BEGAIN: variants seen among roughly 807,000 people sequenced by gnomAD.
BEGAIN encodes brain enriched guanylate kinase associated, also known as brain-enriched guanylate kinase-associated protein.
A neutral mutation model predicts 35.8 loss-of-function variants in BEGAIN; 19 were observed. That is an observed-to-expected ratio of 0.53 (90% confidence interval 0.37 to 0.78). BEGAIN has a LOEUF of 0.78. Among genes scored for constraint, BEGAIN ranks in the 30% least tolerant of loss-of-function variants. BEGAIN has a pLI of 0.00. For missense variants in BEGAIN, 795 were observed against 853.6 expected (o/e 0.93, Z 0.85); for synonymous variants, 462 against 388.6 (o/e 1.19, Z -2.22).
At position 100,573,289 on chromosome 14, in the gene BEGAIN, T is replaced by C. The variant is rs913326159; in HGVS notation, c.43-5350A>G. ...AGGGGCTTCCGGAGGACGGGGCGGG[T>C]GAGTCCCGAAGGGGCCGCCAGAGGA... On this transcript the variant is annotated intron_variant, in intron 1 of 6. Transcript: ENST00000554140. The surrounding 1 kb of genome is among the most constrained non-coding windows in gnomAD (Gnocchi z 4.2). Among the ~76,000 whole-genome samples the C allele has an allele frequency of 9.6e-6, 1 of 104,126 alleles. No individual in the cohort carries two copies. Among genetic ancestry groups the C allele is most frequent in the Admixed American group, 9.6e-5 (1 of 10,444 alleles). The allele number at this position is 104,126 out of a possible 152,430, so 68.3% of individuals were successfully genotyped here.
chr14:100,546,349 TCGCCC>T (rs1465299337), intron 3 of BEGAIN, 147 bp downstream of exon 3: 3 of 77,214 alleles, frequency 3.9e-5, no homozygotes, highest in Admixed American at 1.5e-4. Context: ...ACCCCGGCCC[TCGCCC>T]CGCCCCGGCC....
Position 100,538,995 on chromosome 14 carries a change from G to C in BEGAIN, c.813C>G (p.Thr271=). 6.2e-7 allele frequency: 1 copy of C among 1,610,408 alleles called. No individual in the cohort carries two copies. The highest frequency in any genetic ancestry group is 8.5e-7 in the Non-Finnish European group (1 of 1,178,876). The part of the protein sequence containing the change: ...DRRPSVDAPV[T]DVGFLRAQNS... ...TCTGGGCCCGCAGGAAGCCCACGTCGGTCACGGGCGCGTCCACGCTAGGCC... is the reference window on the plus strand; with the variant it reads ...TCTGGGCCCGCAGGAAGCCCACGTCCGTCACGGGCGCGTCCACGCTAGGCC... Residue 271 remains threonine (T), a synonymous_variant, in exon 7 of 7, where the codon ACC becomes ACG. Coordinates refer to ENST00000554140, the MANE Select transcript of BEGAIN (RefSeq NM_001385089.1).
Position 100,563,115 on chromosome 14 carries a change from C to T in BEGAIN, c.71+4796G>A, listed in dbSNP as rs1408969398. ...CCATCTGTCTCCATCCCTGGGACAT[C>T]AGCCTGGCACTTCTGCAGAGTGTCT... On this transcript the variant is annotated intron_variant, in intron 2 of 6. Transcript: ENST00000554140. The surrounding 1 kb of genome is among the most constrained non-coding windows in gnomAD (Gnocchi z 4.2). 6.6e-6 allele frequency among the ~76,000 whole-genome samples: 1 copy of T among 152,240 alleles called. No individual in the cohort carries two copies. Among genetic ancestry groups the T allele is most frequent in the Non-Finnish European group, 1.5e-5 (1 of 68,042 alleles).
At chr14:100,556,329 A>AGCCCTGCCCCGCT (rs2033718500) in intron 2 of BEGAIN, among the ~76,000 whole-genome samples, 1 of 138,114 alleles carries the variant, frequency 7.2e-6, no homozygotes, top group Non-Finnish European at 1.6e-5. Flanking sequence ...AGGCAGCCGC[A>AGCCCTGCCCCGCT]GCCCTGCCCC....
intron 1 of BEGAIN, chr14:100,569,016 G>A (rs2034963467): frequency 2.2e-6 from 2 of 900,962 alleles, no homozygotes; most frequent in Non-Finnish European, 2.7e-6. Context: ...CCGCCCCGCC[G>A]GGCGAGGGCG....
At position 100,546,559 on chromosome 14, in the gene BEGAIN, C is replaced by G. The variant is rs1330775069; in HGVS notation, c.175G>C (p.Glu59Gln). 6.3e-7 allele frequency: 1 copy of G among 1,587,722 alleles called. No individual in the cohort carries two copies. Among genetic ancestry groups the G allele is most frequent in the African/African-American group, 1.4e-5 (1 of 72,314 alleles). ...TCCTGCGCGCGCCGCAGCTCGATCT[C>G]CAGGTAGTGGCGCGTGGAGTCGAAC... ...TEFDSTRHYLEIELRRAQEEL... is the reference protein window; with the variant it reads ...TEFDSTRHYLQIELRRAQEEL... The change falls in exon 3 of 7, where the codon GAG (glutamate) becomes CAG (glutamine). Residue 59 changes from glutamate (E) to glutamine (Q), a missense_variant. Around this residue, in one of 3 missense-constraint regions of BEGAIN, gnomAD observed 58 missense variants for 62.7 expected, o/e 0.92. Coordinates refer to ENST00000554140, the MANE Select transcript of BEGAIN (RefSeq NM_001385089.1).
At chr14:100,577,229 G>A in intron 1 of BEGAIN, 1 of 398,444 alleles carries the variant, frequency 2.5e-6, no homozygotes, top group Non-Finnish European at 4.4e-6. Flanking sequence ...GGGGTGTGGG[G>A]AGGGAACTCG....
At chr14:100,550,278 G>C in intron 2 of BEGAIN, 1 of 396,072 alleles carries the variant, frequency 2.5e-6, no homozygotes, top group Non-Finnish European at 4.4e-6. Context: ...AGGGCTGTGA[G>C]GCTGTGCCGC....
At chr14:100,539,711 C>T (rs376495413) in intron 6 of BEGAIN, among the ~76,000 whole-genome samples, 1 of 151,910 alleles carries the variant, frequency 6.6e-6, no homozygotes, top group African/African-American at 2.4e-5. Flanking sequence ...CTCTCCCAGG[C>T]CCGTGGGTTC....
At chr14:100,580,383 T>C (rs763324956) in intron 1 of BEGAIN, among the ~76,000 whole-genome samples, 8 of 152,126 alleles carry the variant, frequency 5.3e-5, no homozygotes, top group Non-Finnish European at 1.0e-4. Context: ...TCATATACAC[T>C]GCAAGGCCCT....
intron 1 of BEGAIN, chr14:100,569,063 C>A: frequency 1.9e-6 from 1 of 524,980 alleles, no homozygotes; most frequent in Non-Finnish European, 2.4e-6. Context: ...AGGCCCGGCC[C>A]CGGGGCCTCG....
Position 100,538,572 on chromosome 14 carries a change from C to A in BEGAIN, c.1236G>T (p.Met412Ile). The A allele has an allele frequency of 6.5e-7, 1 of 1,545,550 alleles. No homozygotes were observed. Among genetic ancestry groups the A allele is most frequent in the Non-Finnish European group, 8.7e-7 (1 of 1,145,490 alleles). The change falls in exon 7 of 7, where the codon ATG becomes ATT. Residue 412 changes from methionine to isoleucine, a missense_variant. By Grantham distance (10) the Met-to-Ile change is conservative (BLOSUM62 1). Around this residue, in one of 3 missense-constraint regions of BEGAIN, gnomAD observed 664 missense variants for 647.7 expected, o/e 1.03. Coordinates refer to ENST00000554140, the MANE Select transcript of BEGAIN (RefSeq NM_001385089.1). ...CCCGCAGGCTCCACAGGTTTGGGGGCATCAGGGCCTGCTGGGGACCCGGAG... is the reference window on the plus strand; with the variant it reads ...CCCGCAGGCTCCACAGGTTTGGGGGAATCAGGGCCTGCTGGGGACCCGGAG... ...PASPGPQQAL[M>I]PPNLWSLRAK...
intron 5 of BEGAIN, among the ~76,000 whole-genome samples, chr14:100,542,397 G>A (rs530060948): frequency 3.3e-5 from 5 of 152,214 alleles, no homozygotes; most frequent in Admixed American, 6.5e-5. Flanking sequence ...TCCCTACTCC[G>A]TCCTGGGGCC....
At chr14:100,570,808 A>G (rs779007093) in intron 1 of BEGAIN, among the ~76,000 whole-genome samples, 3 of 152,096 alleles carry the variant, frequency 2.0e-5, no homozygotes, top group Non-Finnish European at 4.4e-5. Flanking sequence ...ATTGACCACA[A>G]GACTCGGTGA....
chr14:100,542,528 G>A (rs73351101), intron 5 of BEGAIN, among the ~76,000 whole-genome samples: 8,194 of 152,210 alleles, frequency 0.054, 751 homozygotes, highest in African/African-American at 0.18. Context: ...GGGGTCCTGT[G>A]CATCTCCCAC....
chr14:100,545,322 T>C, intron 3 of BEGAIN: 2 of 1,334,940 alleles, frequency 1.5e-6, no homozygotes, highest in Non-Finnish European at 1.9e-6. Flanking sequence ...CCCCTGAAGA[T>C]GGGAAGGGAA....
At chr14:100,582,252 C>A (rs2035334287) in intron 1 of BEGAIN, among the ~76,000 whole-genome samples, 1 of 152,236 alleles carries the variant, frequency 6.6e-6, no homozygotes, top group South Asian at 2.1e-4. Context: ...TTAAGCGATT[C>A]TCCTGCCTCA....
rs368404489 is a variant in BEGAIN, at chr14:100,544,981, C to T, written c.300+19G>A. The T allele has an allele frequency of 6.0e-5, 97 of 1,608,822 alleles. No individual in the cohort carries two copies. In the African/African-American group the frequency reaches 9.2e-4, roughly 15 times the overall value. ...AGGAGGTGTGGGGTGGGGGAGTGGG[C>T]GCTGCGTGGCGGCCTCACCATGCGG... is the stretch of plus-strand genomic sequence containing the variant. On this transcript the variant is annotated intron_variant, in intron 4 of 6. Transcript: ENST00000554140.
At position 100,538,924 on chromosome 14, in the gene BEGAIN, G is replaced by A. The variant is rs2031083557; in HGVS notation, c.884C>T (p.Ala295Val). ...AAEEEEEAEA[A>V]AFPAGFQHEA... ...ATGCTGGAAGCCCGCCGGGAAGGCC[G>A]CCGCCTCGGCCTCCTCCTCCTCCTC... Residue 295 changes from alanine (A) to valine (V), a missense_variant, in exon 7 of 7, where the codon GCG becomes GTG. Ala to Val is a moderately conservative substitution (Grantham distance 64). This residue lies in a region of BEGAIN where 664 missense variants were observed against 647.7 expected (regional missense o/e 1.03). Transcript: ENST00000554140. The A allele has an allele frequency of 6.2e-7, 1 of 1,607,462 alleles. No individual in the cohort carries two copies. Among genetic ancestry groups the A allele is most frequent in the Non-Finnish European group, 8.5e-7 (1 of 1,177,744 alleles).
Sources: gnomAD v4.1 joint callset for allele counts (sites outside exome capture counted in the v4.1 genomes callset) on GRCh38, gnomAD v4.1.1 for gene constraint, gnomAD v4.1.1 regional missense constraint, Gnocchi (gnomAD v3.1) non-coding constraint, MANE v1.5 for transcripts, NCBI Gene and HGNC (gene_info 2026-07-23, HGNC 2026-07-21) for gene names.